Variants in CAPN15 observed in about 807,000 individuals in gnomAD.
The protein encoded by CAPN15 is calpain 15.
CAPN15 carries 53 observed loss-of-function variants against 97.9 expected under a neutral mutation model. That is an observed-to-expected ratio of 0.54 (90% confidence interval 0.43 to 0.68). CAPN15 has a LOEUF of 0.68. Among genes scored for constraint, CAPN15 ranks in the 30% least tolerant of loss-of-function variants. The probability of loss-of-function intolerance (pLI) is 0.00; values close to 1 mark genes in which losing one functional copy is unlikely to be tolerated. For missense variants in CAPN15, 1,592 were observed against 1,589.8 expected (o/e 1.00, Z -0.02); for synonymous variants, 922 against 722.5 (o/e 1.28, Z -4.43).
At chr16:551,967 A>C in intron 9 of CAPN15, 84 bp from the exon 10 acceptor site, 2 of 1,418,098 alleles carry the variant, frequency 1.4e-6, no homozygotes, top group Non-Finnish European at 1.9e-6. Flanking sequence ...TGCTGGGGTC[A>C]CCGGCCTGTG....
rs964443321 is a variant in CAPN15, at chr16:527,767, CG to C, written c.-448del. The C allele has an allele frequency of 2.0e-5, 3 of 149,642 alleles. No individual in the cohort carries two copies. The highest frequency in any genetic ancestry group is 7.3e-5 in the African/African-American group (3 of 41,074). 9.3% of individuals were successfully genotyped at this position (149,642 alleles called of 1,614,324 possible). On this transcript the variant is annotated 5_prime_UTR_variant, in exon 1 of 14. Coordinates refer to ENST00000219611, the MANE Select transcript of CAPN15 (RefSeq NM_005632.3). ...GTGCGCCCCGGGCGCGCCGTAGCCGCGGGGCCCGGGCCGGGCGCTACGCTAC... is the reference window on the plus strand; with the variant it reads ...GTGCGCCCCGGGCGCGCCGTAGCCGCGGGCCCGGGCCGGGCGCTACGCTAC...
intron 3 of CAPN15, among the ~76,000 whole-genome samples, chr16:546,533 C>T (rs1361217650): frequency 2.0e-5 from 3 of 152,222 alleles, no homozygotes; most frequent in Admixed American, 6.5e-5. Context: ...GAAAGCAGTG[C>T]CCTGGAACAG....
intron 13 of CAPN15, 62 bp downstream of exon 13, chr16:553,103 CCCACACCCAACTCG>C: frequency 1.1e-6 from 1 of 926,480 alleles, no homozygotes; most frequent in Non-Finnish European, 1.5e-6. Flanking sequence ...CCCCGCTGCA[CCCACACCCAACTCG>C]TGCCCCCCCA....
intron 3 of CAPN15, 30 bp from the exon 4 acceptor site, chr16:546,787 G>C: frequency 6.5e-7 from 1 of 1,549,380 alleles, no homozygotes; most frequent in South Asian, 1.2e-5. Context: ...GACCTCACAG[G>C]GTGGCCCTGA....
chr16:546,870 G>A lies in CAPN15; in HGVS notation c.32G>A (p.Arg11His). 12 of 1,611,328 alleles carry A rather than the reference G, an allele frequency of 7.4e-6. No individual in the cohort carries two copies. The highest frequency in any genetic ancestry group is 1.1e-5 in the South Asian group (1 of 90,938). Residue 11 changes from arginine to histidine, a missense_variant, in exon 4 of 14, where the codon CGC becomes CAC. Arg to His is a conservative substitution (Grantham distance 29, BLOSUM62 0). This residue lies in a region of CAPN15 where 883 missense variants were observed against 776.6 expected (regional missense o/e 1.14). Transcript: ENST00000219611. Reference sequence around the variant, plus strand: ...ACGGTCGGAGAGTGGTCCTGTGTGCGCTGCACCTTCCTGAACCCGGCCGGC... The same window carrying A: ...ACGGTCGGAGAGTGGTCCTGTGTGCACTGCACCTTCCTGAACCCGGCCGGC... MATVGEWSCV[R>H]CTFLNPAGQR... is the part of the protein sequence containing the mutation.
intron 7 of CAPN15, among the ~76,000 whole-genome samples, chr16:550,810 C>CG (rs2034968656): frequency 8.0e-4 from 42 of 52,248 alleles, no homozygotes; most frequent in Middle Eastern, 0.017. Flanking sequence ...TCGGTGAGGG[C>CG]CCCGGTCGGT....
At position 548,215 on chromosome 16, in the gene CAPN15, G is replaced by T. The variant is rs2034737384; in HGVS notation, c.1377G>T (p.Val459=). 2 of 1,549,712 alleles carry T rather than the reference G, an allele frequency of 1.3e-6. No homozygotes were observed. Among genetic ancestry groups the T allele is most frequent in the Admixed American group, 2.0e-5 (1 of 49,726 alleles). The change falls in exon 4 of 14, where the codon GTG becomes GTT. Residue 459 remains valine (V), a synonymous_variant. Coordinates refer to ENST00000219611, the MANE Select transcript of CAPN15 (RefSeq NM_005632.3). Reference sequence around the variant, plus strand: ...TGAGGCGCAGGGAGAGCATGCACGTGGAGCAGCGGCGGCAGACAGACGAGG... The same window carrying T: ...TGAGGCGCAGGGAGAGCATGCACGTTGAGCAGCGGCGGCAGACAGACGAGG... The part of the protein sequence containing the change: ...APLRRRESMH[V]EQRRQTDEGE...
At chr16:534,203 C>G (rs903874732) in intron 2 of CAPN15, among the ~76,000 whole-genome samples, 1 of 152,266 alleles carries the variant, frequency 6.6e-6, no homozygotes, top group African/African-American at 2.4e-5. Flanking sequence ...TCGTGGGAGG[C>G]GACGGTGAGG....
intron 1 of CAPN15, among the ~76,000 whole-genome samples, chr16:529,814 G>T (rs1359891920): frequency 6.6e-6 from 1 of 152,234 alleles, no homozygotes; most frequent in South Asian, 2.1e-4. Context: ...TGTCTGTCCT[G>T]GGTGGCCACT....
intron 2 of CAPN15, among the ~76,000 whole-genome samples, chr16:534,235 G>GCGGCCCGGGGTCCCGACGGGGGC (rs374380680): frequency 1.8e-4 from 27 of 151,528 alleles, no homozygotes; most frequent in Admixed American, 3.3e-4. Context: ...TCCCGACAGG[G>GCGGCCCGGGGTCCCGACGGGGGC]GTGTTTGTCC....
chr16:547,411 C>T lies in CAPN15; in HGVS notation c.573C>T (p.Ala191=), dbSNP rs371770669. ...ALVVPEVVAP[A]GFHVVPAAPP... is the part of the protein sequence containing the mutation. The stretch of plus-strand genomic sequence containing the variant: ...TGGTCCCGGAAGTGGTGGCCCCGGC[C>T]GGCTTCCACGTCGTGCCTGCCGCGC... Residue 191 remains alanine (A), a synonymous_variant, in exon 4 of 14, where the codon GCC becomes GCT. Transcript: ENST00000219611. 3,825 of 1,570,196 alleles carry T rather than the reference C, an allele frequency of 2.4e-3. 6 individuals carry two copies. Among genetic ancestry groups the T allele is most frequent in the Non-Finnish European group, 3.0e-3 (3,502 of 1,165,656 alleles).
intron 1 of CAPN15, among the ~76,000 whole-genome samples, chr16:529,180 G>A (rs994074507): frequency 2.0e-5 from 3 of 152,044 alleles, no homozygotes; most frequent in East Asian, 1.9e-4. Context: ...GCTCTCCAGA[G>A]CTCCTTGATT....
chr16:548,394 T>G, intron 4 of CAPN15, 107 bp downstream of exon 4: 1 of 1,139,722 alleles, frequency 8.8e-7, no homozygotes, highest in Non-Finnish European at 1.2e-6. Flanking sequence ...CCACAAGGCC[T>G]AAGACGTGAT....
intron 3 of CAPN15, among the ~76,000 whole-genome samples, chr16:540,710 A>G (rs759238920): frequency 7.2e-5 from 11 of 152,132 alleles, no homozygotes; most frequent in Non-Finnish European, 1.5e-5. Context: ...CCTGCTGCCC[A>G]CGGTTTCAAA....
intron 3 of CAPN15, among the ~76,000 whole-genome samples, chr16:546,351 C>A (rs900325980): frequency 3.9e-5 from 6 of 152,232 alleles, no homozygotes; most frequent in Non-Finnish European, 8.8e-5. Context: ...GGAGGCTGTG[C>A]TGTGGTGTGG....
chr16:550,347 G>A (rs1365211405), intron 7 of CAPN15, among the ~76,000 whole-genome samples: 1 of 152,210 alleles, frequency 6.6e-6, no homozygotes, highest in Non-Finnish European at 1.5e-5. Flanking sequence ...AGAGCCCAGA[G>A]CCAGCCCCAC....
At chr16:532,808 A>T (rs1449364111) in intron 1 of CAPN15, among the ~76,000 whole-genome samples, 1 of 148,196 alleles carries the variant, frequency 6.7e-6, no homozygotes, top group African/African-American at 2.5e-5. Flanking sequence ...AGCCGAGATC[A>T]CACCACTGCA....
chr16:543,654 C>G (rs907570887), intron 3 of CAPN15, among the ~76,000 whole-genome samples: 14 of 152,156 alleles, frequency 9.2e-5, no homozygotes, highest in African/African-American at 3.1e-4. Context: ...GGTGAGGAGA[C>G]CCCCAGGCTA....
chr16:543,982 A>G (rs2034344721), intron 3 of CAPN15, among the ~76,000 whole-genome samples: 1 of 142,762 alleles, frequency 7.0e-6, no homozygotes, highest in Admixed American at 6.9e-5. Flanking sequence ...GCCTGCGGCC[A>G]TGCGGCCATG....
Sources: allele counts gnomAD v4.1 joint callset (sites outside exome capture counted in the v4.1 genomes callset), GRCh38; gene constraint gnomAD v4.1.1; regional missense constraint gnomAD v4.1.1; transcripts MANE v1.5; gene names NCBI Gene and HGNC (gene_info 2026-07-23, HGNC 2026-07-21).